The following ACOX1 variants were observed in gnomAD, a reference collection of about 807,000 sequenced individuals.
The protein encoded by ACOX1 is acyl-CoA oxidase 1, also known as peroxisomal acyl-coenzyme A oxidase 1.
ACOX1 carries 41 observed loss-of-function variants against 75.5 expected under a neutral mutation model. The observed-to-expected ratio is 0.54, with a 90% CI of 0.42 to 0.70. The LOEUF is 0.70. ACOX1 is among the 30% of genes least tolerant of loss of function. The pLI, the probability that ACOX1 is intolerant of heterozygous loss-of-function variation, is 0.00. For missense variants in ACOX1, 630 were observed against 837.5 expected, an observed-to-expected ratio of 0.75 and a Z score of 3.06; for synonymous variants, 303 against 298.8, an observed-to-expected ratio of 1.01 and a Z score of -0.15.
intron 2 of ACOX1, chr17:75,973,846 T>C: frequency 6.4e-7 from 1 of 1,564,196 alleles, no homozygotes; most frequent in Non-Finnish European, 8.7e-7. Flanking sequence ...CTACAACCCC[T>C]TCTTGCCAAA....
intron 2 of ACOX1, among the ~76,000 whole-genome samples, chr17:75,967,946 C>T (rs1466143385): frequency 1.3e-5 from 2 of 149,880 alleles, no homozygotes; most frequent in Non-Finnish European, 3.0e-5. Context: ...ACCATGTTGG[C>T]CAGACTGGTC....
chr17:75,962,468 C>T (rs1451912541), intron 2 of ACOX1, among the ~76,000 whole-genome samples: 1 of 152,160 alleles, frequency 6.6e-6, no homozygotes, highest in Non-Finnish European at 1.5e-5. Flanking sequence ...AGCTCCAAAT[C>T]CGTCAACTCC....
At chr17:75,975,050 C>CAA (rs1022347068) in intron 2 of ACOX1, among the ~76,000 whole-genome samples, 135 of 40,042 alleles carry the variant, frequency 3.4e-3, no homozygotes, top group African/African-American at 7.4e-3. Context: ...ACTCTGTCTC[C>CAA]AAAAAAAAAA....
rs1424571093 is a variant in ACOX1 at position 75,955,815 on chromosome 17, G to C, written c.658+13C>G. On this transcript the variant is annotated intron_variant, in intron 5 of 13. Transcript: ENST00000293217. ...TTTCATTTTCATCTCAACATCAGATGAACAGTTCTTACCTGGCAAAGGCTT... is the reference window on the plus strand; with the variant it reads ...TTTCATTTTCATCTCAACATCAGATCAACAGTTCTTACCTGGCAAAGGCTT... 6.2e-7 allele frequency: 1 copy of C among 1,613,954 alleles called. No individual in the cohort carries two copies. Among genetic ancestry groups the C allele is most frequent in the African/African-American group, 1.3e-5 (1 of 74,902 alleles).
At chr17:75,951,002 G>C (rs759672038) in intron 8 of ACOX1, 38 bp from the exon 9 acceptor site, 3 of 1,601,900 alleles carry the variant, frequency 1.9e-6, no homozygotes, top group Non-Finnish European at 2.6e-6. Context: ...GACATCTGTG[G>C]TGCTGAGAGC....
intron 3 of ACOX1, among the ~76,000 whole-genome samples, chr17:75,958,834 AGTATAACT>A (rs1309293619): frequency 6.6e-6 from 1 of 151,848 alleles, no homozygotes; most frequent in Non-Finnish European, 1.5e-5. Flanking sequence ...AAAGTATAAA[AGTATAACT>A]GTTATTGGGG....
Position 75,978,908 on chromosome 17 carries a change from C to T in ACOX1, c.109+57G>A. The T allele has an allele frequency of 1.2e-6, 2 of 1,603,676 alleles. No homozygotes were observed. The highest frequency in any genetic ancestry group is 1.7e-6 in the Non-Finnish European group (2 of 1,178,584). On this transcript the variant is annotated intron_variant, in intron 1 of 13. Coordinates refer to ENST00000293217, the MANE Select transcript of ACOX1 (RefSeq NM_004035.7). This position sits in a 1 kb window ranked among gnomAD's most constrained non-coding sequence, Gnocchi z 4.2. ...CCCCACAGCGCCCCTGACTCCGCAT[C>T]GAGGGAGTCTCCAGCTTTTCTCGGG...
intron 2 of ACOX1, among the ~76,000 whole-genome samples, chr17:75,971,242 G>A (rs1216312781): frequency 2.0e-5 from 3 of 149,174 alleles, no homozygotes; most frequent in Non-Finnish European, 4.4e-5. Context: ...GGGGAGCCGA[G>A]ATCGCGCCAT....
At chr17:75,951,808 CTTTTTTTTTTT>C (rs1029666749) in intron 7 of ACOX1, among the ~76,000 whole-genome samples, 41 of 77,466 alleles carry the variant, frequency 5.3e-4, no homozygotes, top group African/African-American at 2.2e-3. Context: ...TAAATTGAGG[CTTTTTTTTTTT>C]TTTTTTTTTT....
At chr17:75,952,239 G>A (rs890683893) in intron 7 of ACOX1, among the ~76,000 whole-genome samples, 1 of 152,092 alleles carries the variant, frequency 6.6e-6, no homozygotes, top group Non-Finnish European at 1.5e-5. Context: ...ATATTTTGAA[G>A]TGTAAGAATT....
Position 75,964,102 on chromosome 17 carries a change from T to C in ACOX1, c.270-3727A>G, listed in dbSNP as rs2065909925. 2.0e-5 allele frequency among the ~76,000 whole-genome samples: 3 copies of C among 149,636 alleles called. No individual in the cohort carries two copies. In the South Asian group the frequency reaches 6.3e-4, roughly 32 times the overall value. ...AGGAGGGTGAGGCACGAGAATTGCTTGAACCTGGGAGGCAGAGGTTGCAGT... is the reference window on the plus strand; with the variant it reads ...AGGAGGGTGAGGCACGAGAATTGCTCGAACCTGGGAGGCAGAGGTTGCAGT... On this transcript the variant is annotated intron_variant, in intron 2 of 13. Coordinates refer to ENST00000293217, the MANE Select transcript of ACOX1 (RefSeq NM_004035.7).
chr17:75,972,697 C>CA (rs1282930894), intron 2 of ACOX1, among the ~76,000 whole-genome samples: 1 of 149,852 alleles, frequency 6.7e-6, no homozygotes, highest in African/African-American at 2.5e-5. Context: ...ACCTTTCTTT[C>CA]AGGCTTATAA....
chr17:75,948,443 T>C lies in ACOX1; in HGVS notation c.1743A>G (p.Thr581=), dbSNP rs1167971336. ...GGTTTACTTGTGTAATCTGAGGCTC[T>C]GTCATGATGCTCCCCTAAAAGAGAC... ...AGDFLQGSIM[T]EPQITQVNQR... is the part of the protein sequence containing the mutation. Residue 581 remains threonine (T), a synonymous_variant, in exon 13 of 14, where the codon ACA becomes ACG. Coordinates refer to ENST00000293217, the MANE Select transcript of ACOX1 (RefSeq NM_004035.7). 5 of 1,614,076 alleles carry C rather than the reference T, an allele frequency of 3.1e-6. No homozygotes were observed. Among genetic ancestry groups the C allele is most frequent in the African/African-American group, 2.7e-5 (2 of 74,944 alleles).
chr17:75,946,812 GAGA>G lies in ACOX1; in HGVS notation c.1936-20_1936-18del, dbSNP rs1567871381. 11 of 1,611,298 alleles carry G rather than the reference GAGA, an allele frequency of 6.8e-6. No homozygotes were observed. Among genetic ancestry groups the G allele is most frequent in the Admixed American group, 3.3e-5 (2 of 59,948 alleles). ...TTCGTGGACCTGTGGGGAAAGGAGA[GAGA>G]AGAACTACTAATAAAGAGTTTGCCA... On this transcript the variant is annotated intron_variant, in intron 13 of 13. Coordinates refer to ENST00000293217, the MANE Select transcript of ACOX1 (RefSeq NM_004035.7).
At chr17:75,957,079 T>C (rs2065840548) in intron 4 of ACOX1, among the ~76,000 whole-genome samples, 1 of 147,912 alleles carries the variant, frequency 6.8e-6, no homozygotes, top group African/African-American at 2.5e-5. Context: ...CACACACACA[T>C]ATATTTGTTT....
rs531039654 is a variant in ACOX1 at position 75,952,419 on chromosome 17, C to T, written c.945-842G>A. Among the ~76,000 whole-genome samples, 27 of 151,736 alleles carry T rather than the reference C, an allele frequency of 1.8e-4. No homozygotes were observed. In the Middle Eastern group the frequency reaches 0.01, roughly 57 times the overall value. ...AAGTGATTCTCCTGCCTCAGTCTCC[C>T]GAGTAGCTGGAATTACAGGCACCCG... On this transcript the variant is annotated intron_variant, in intron 7 of 13. Transcript: ENST00000293217.
At chr17:75,975,959 AAG>A (rs1456201461) in intron 2 of ACOX1, among the ~76,000 whole-genome samples, 1 of 152,016 alleles carries the variant, frequency 6.6e-6, no homozygotes, top group Non-Finnish European at 1.5e-5. Context: ...GAAAGAAAGA[AAG>A]AAAAGAAAAG....
rs2065783821 is a variant in ACOX1 at position 75,952,494 on chromosome 17, A to G, written c.945-917T>C. Reference sequence around the variant, plus strand: ...ATTTTAGTAGACGTGGGGTTTCTCCATGTTGGCCAGGCTGGTCTTGAACTC... The same window carrying G: ...ATTTTAGTAGACGTGGGGTTTCTCCGTGTTGGCCAGGCTGGTCTTGAACTC... On this transcript the variant is annotated intron_variant, in intron 7 of 13. Transcript: ENST00000293217. Among the ~76,000 whole-genome samples, 4 of 151,582 alleles carry G rather than the reference A, an allele frequency of 2.6e-5. No individual in the cohort carries two copies. The South Asian group carries it at 8.3e-4, about 32-fold the overall frequency.
Position 75,946,386 on chromosome 17 carries a change from C to T in ACOX1, c.*362G>A. ...CTTCAAAAATACCTTTGCTTAAAAA[C>T]ACTTATATAGCCAGTGATTAGCAAT... On this transcript the variant is annotated 3_prime_UTR_variant, in exon 14 of 14. Transcript: ENST00000293217. The T allele has an allele frequency of 6.0e-6, 2 of 335,002 alleles. No homozygotes were observed. The highest frequency in any genetic ancestry group is 2.5e-5 in the South Asian group (1 of 39,742). The allele number at this position is 335,002 out of a possible 1,614,324, so 20.8% of individuals were successfully genotyped here. A position where few individuals can be genotyped will look rare whatever the true frequency, so the allele number is the denominator to read the frequency against.
Sources: gnomAD v4.1 joint callset for allele counts (sites outside exome capture counted in the v4.1 genomes callset) on GRCh38, gnomAD v4.1.1 for gene constraint, Gnocchi (gnomAD v3.1) non-coding constraint, MANE v1.5 for transcripts, NCBI Gene and HGNC (gene_info 2026-07-23, HGNC 2026-07-21) for gene names.